The following C10orf90 variants were observed in gnomAD, a reference collection of about 807,000 sequenced individuals.
The protein encoded by C10orf90 is chromosome 10 open reading frame 90.
C10orf90 carries 56 observed loss-of-function variants against 62.5 expected under a neutral mutation model. The ratio of observed to expected loss-of-function variants is 0.90; its 90% confidence interval spans 0.72 to 1.12. The LOEUF (loss-of-function observed/expected upper bound fraction) is 1.12, where lower values mean the gene tolerates loss of function less well. C10orf90 is among the 50% of genes most tolerant of loss of function. C10orf90 has a pLI of 0.00. For synonymous variants in C10orf90, 386 were observed against 340.4 expected (o/e 1.13, Z -1.47); for missense variants, 970 against 880.4 (o/e 1.10, Z -1.29).
intron 7 of C10orf90, among the ~76,000 whole-genome samples, chr10:126,435,907 C>A (rs1175099380): frequency 6.6e-6 from 1 of 152,126 alleles, no homozygotes; most frequent in South Asian, 2.1e-4. Flanking sequence ...AATATCCCTG[C>A]CTTTTCCCAC....
chr10:126,629,151 C>T (rs1845804849), intron 2 of C10orf90, among the ~76,000 whole-genome samples: 1 of 152,218 alleles, frequency 6.6e-6, no homozygotes, highest in African/African-American at 2.4e-5. Flanking sequence ...AGGGCTCTAA[C>T]TGCTCACGAA....
intron 4 of C10orf90, chr10:126,502,561 G>A (rs1239740979): frequency 4.0e-6 from 1 of 247,938 alleles, no homozygotes; most frequent in African/African-American, 2.3e-5. Flanking sequence ...TGAGATGAGT[G>A]TATGAGTGTT....
At position 126,650,930 on chromosome 10, in the gene C10orf90, C is replaced by T. The variant is rs1244595611; in HGVS notation, c.241-4293G>A. On this transcript the variant is annotated intron_variant, in intron 1 of 9. Transcript: ENST00000488181. Reference sequence around the variant, plus strand: ...TTCACAGGTACAATCCTGCCAGACCCACCCTGCAGAAATTCTGTGGTCAAG... The same window carrying T: ...TTCACAGGTACAATCCTGCCAGACCTACCCTGCAGAAATTCTGTGGTCAAG... Among the ~76,000 whole-genome samples, 6 of 152,182 alleles carry T rather than the reference C, an allele frequency of 3.9e-5. No individual in the cohort carries two copies. The South Asian group carries it at 1.2e-3, about 32-fold the overall frequency.
chr10:126,462,233 C>T (rs991158425), intron 5 of C10orf90, among the ~76,000 whole-genome samples: 4 of 152,096 alleles, frequency 2.6e-5, no homozygotes, highest in African/African-American at 9.7e-5. Context: ...CAGCAAGCAA[C>T]ACAATGTCCT....
chr10:126,472,908 C>CATCTGAG, intron 4 of C10orf90, among the ~76,000 whole-genome samples: 1 of 152,274 alleles, frequency 6.6e-6, no homozygotes, highest in African/African-American at 2.4e-5. Context: ...CTACTACCCT[C>CATCTGAG]ATCTGAGGGT....
At chr10:126,449,714 C>T (rs1035507529) in intron 7 of C10orf90, among the ~76,000 whole-genome samples, 2 of 151,946 alleles carry the variant, frequency 1.3e-5, no homozygotes, top group Non-Finnish European at 1.5e-5. Flanking sequence ...AAATCAGTAG[C>T]GGGGCCAGGC....
At chr10:126,484,419 A>T (rs1055982481) in intron 4 of C10orf90, among the ~76,000 whole-genome samples, 1 of 152,248 alleles carries the variant, frequency 6.6e-6, no homozygotes, top group Non-Finnish European at 1.5e-5. Flanking sequence ...CAACTCCAAA[A>T]AAAACCCTAA....
rs557305897 is a variant in C10orf90, at chr10:126,628,329, T to C, written c.313+18236A>G. Reference sequence around the variant, plus strand: ...TATTGTCAAAGCCTTTCTCAAAGAGTCCATTAGGTGGTGGAAAGGAAAAAT... The same window carrying C: ...TATTGTCAAAGCCTTTCTCAAAGAGCCCATTAGGTGGTGGAAAGGAAAAAT... On this transcript the variant is annotated intron_variant, in intron 2 of 9. Coordinates refer to ENST00000488181, the MANE Select transcript of C10orf90 (RefSeq NM_001350921.2). 3.9e-5 allele frequency among the ~76,000 whole-genome samples: 6 copies of C among 152,192 alleles called. No homozygotes were observed. The East Asian group carries it at 1.2e-3, about 29-fold the overall frequency.
chr10:126,616,974 A>G (rs1845553855), intron 2 of C10orf90, among the ~76,000 whole-genome samples: 2 of 152,160 alleles, frequency 1.3e-5, no homozygotes, highest in African/African-American at 2.4e-5. Flanking sequence ...TTGAAAGACA[A>G]CGGGAGACAA....
At chr10:126,448,974 C>A (rs752473735) in intron 7 of C10orf90, among the ~76,000 whole-genome samples, 1 of 152,050 alleles carries the variant, frequency 6.6e-6, no homozygotes, top group African/African-American at 2.4e-5. Context: ...AGAATTAATA[C>A]CATCCTTCTC....
intron 2 of C10orf90, among the ~76,000 whole-genome samples, chr10:126,592,612 C>T (rs1468049266): frequency 6.6e-6 from 1 of 152,154 alleles, no homozygotes; most frequent in Non-Finnish European, 1.5e-5. Context: ...CTAGGCAATA[C>T]CATTCAGGAC....
chr10:126,594,987 G>C (rs558092271), intron 2 of C10orf90, among the ~76,000 whole-genome samples: 1 of 152,178 alleles, frequency 6.6e-6, no homozygotes, highest in Non-Finnish European at 1.5e-5. Context: ...TTCATGCTAA[G>C]AGAGACCACT....
At chr10:126,636,961 G>A (rs1845963628) in intron 2 of C10orf90, among the ~76,000 whole-genome samples, 1 of 152,024 alleles carries the variant, frequency 6.6e-6, no homozygotes, top group Non-Finnish European at 1.5e-5. Context: ...GAAGGAGTGT[G>A]TGACTTCCAG....
At chr10:126,601,181 G>C (rs548726656) in intron 2 of C10orf90, among the ~76,000 whole-genome samples, 4 of 152,292 alleles carry the variant, frequency 2.6e-5, no homozygotes, top group South Asian at 2.1e-4. Flanking sequence ...AAGCCCCCGG[G>C]TCACCAGGGG....
intron 2 of C10orf90, among the ~76,000 whole-genome samples, chr10:126,586,950 TTCTC>T (rs1470370347): frequency 2.0e-5 from 3 of 152,192 alleles, no homozygotes; most frequent in South Asian, 2.1e-4. Flanking sequence ...CTCAACGGTC[TTCTC>T]TCTATCAGGA....
intron 2 of C10orf90, among the ~76,000 whole-genome samples, chr10:126,555,128 A>G (rs922500618): frequency 1.3e-5 from 2 of 152,192 alleles, no homozygotes; most frequent in African/African-American, 4.8e-5. Flanking sequence ...AGCAAGTTCA[A>G]TAAGGAAGGT....
rs187863689 is a variant in C10orf90 at position 126,642,476 on chromosome 10, A to G, written c.313+4089T>C. ...GAACCCGGGAGGCAGAGCTTGCAGT[A>G]AGCCCAGATCGCGCCACTGCACTCC... On this transcript the variant is annotated intron_variant, in intron 2 of 9. Transcript: ENST00000488181. Among the ~76,000 whole-genome samples the G allele has an allele frequency of 2.9e-3, 444 of 152,100 alleles. 4 individuals carry two copies. The highest frequency in any genetic ancestry group is 5.8e-3 in the African/African-American group (239 of 41,526).
intron 2 of C10orf90, among the ~76,000 whole-genome samples, chr10:126,602,415 A>G (rs902783044): frequency 6.6e-6 from 1 of 152,238 alleles, no homozygotes; most frequent in African/African-American, 2.4e-5. Context: ...TTGCTGAGAT[A>G]TAGCAAGGGT....
intron 2 of C10orf90, among the ~76,000 whole-genome samples, chr10:126,581,267 G>GCA (rs1844745959): frequency 6.6e-6 from 1 of 152,222 alleles, no homozygotes; most frequent in African/African-American, 2.4e-5. Flanking sequence ...AAGGAAAAGG[G>GCA]CACATTACAG....
Sources: allele counts gnomAD v4.1 joint callset (sites outside exome capture counted in the v4.1 genomes callset), GRCh38; gene constraint gnomAD v4.1.1; transcripts MANE v1.5; gene names NCBI Gene and HGNC (gene_info 2026-07-23, HGNC 2026-07-21).